Variants in DGKB observed in about 807,000 individuals in gnomAD.
DGKB encodes the protein 90 kDa diacylglycerol kinase.
Under a neutral mutation model 114.3 loss-of-function variants are expected in DGKB, and 67 were observed. That is an observed-to-expected ratio of 0.59 (90% CI 0.48 to 0.72). The LOEUF (loss-of-function observed/expected upper bound fraction) is 0.72, where lower values mean the gene tolerates loss of function less well. DGKB is among the 30% of genes least tolerant of loss of function. DGKB has a pLI of 0.00. For synonymous variants in DGKB, 398 were observed against 323.1 expected (o/e 1.23, Z -2.49); for missense variants, 907 against 975.2 (o/e 0.93, Z 0.93).
intron 1 of DGKB, among the ~76,000 whole-genome samples, chr7:14,898,570 A>G (rs920784533): frequency 6.6e-6 from 1 of 152,126 alleles, no homozygotes; most frequent in Non-Finnish European, 1.5e-5. Flanking sequence ...AGTTACTATC[A>G]TTATTTTTAA....
intron 23 of DGKB, among the ~76,000 whole-genome samples, chr7:14,210,928 C>T (rs184728579): frequency 8.5e-4 from 129 of 152,110 alleles, no homozygotes; most frequent in African/African-American, 2.9e-3. Context: ...TGCATGCACT[C>T]CCCCTCTCCA....
At chr7:14,240,028 G>A (rs996904280) in intron 23 of DGKB, among the ~76,000 whole-genome samples, 4 of 151,972 alleles carry the variant, frequency 2.6e-5, no homozygotes, top group East Asian at 1.9e-4. Context: ...CTGCGTATAC[G>A]TTTTGTTTAG....
chr7:14,372,329 G>C (rs564815421), intron 21 of DGKB, among the ~76,000 whole-genome samples: 3 of 152,230 alleles, frequency 2.0e-5, no homozygotes, highest in South Asian at 2.1e-4. Flanking sequence ...AGCTCACATA[G>C]TTGATCTTTA....
chr7:14,915,354 G>C (rs1039456549), intron 1 of DGKB, among the ~76,000 whole-genome samples: 1 of 152,122 alleles, frequency 6.6e-6, no homozygotes, highest in African/African-American at 2.4e-5. Flanking sequence ...CTCCAGCCTG[G>C]CCTGAATCAC....
chr7:14,858,315 A>G (rs1201844662), intron 1 of DGKB, among the ~76,000 whole-genome samples: 2 of 152,236 alleles, frequency 1.3e-5, no homozygotes, highest in African/African-American at 4.8e-5. Flanking sequence ...AATGACTACA[A>G]TTTAACTGTA....
In DGKB at chr7:14,178,077, T is replaced by C. The variant is rs774844788; in HGVS notation, c.2197A>G (p.Lys733Glu). ...MEMGQIYTGL[K>E]SAGRRLAQCS... ...TGAGCCAGCCGCCGGCCAGCACTTT[T>C]CAGGCCTGTGTATATTTGCCCCATC... The change falls in exon 24 of 26, where the codon AAA becomes GAA. Residue 733 changes from lysine (K) to glutamate (E), a missense_variant. Lys to Glu is a moderately conservative substitution (Grantham distance 56). Around this residue, in one of 3 missense-constraint regions of DGKB, gnomAD observed 35 missense variants for 66.0 expected, o/e 0.53. Transcript: ENST00000402815. 1 of 1,610,078 alleles carries C rather than the reference T, an allele frequency of 6.2e-7. No individual in the cohort carries two copies. Among genetic ancestry groups the C allele is most frequent in the Admixed American group, 1.7e-5 (1 of 58,866 alleles).
chr7:14,326,071 T>TC (rs1370188165), intron 23 of DGKB, among the ~76,000 whole-genome samples: 17 of 151,510 alleles, frequency 1.1e-4, no homozygotes, highest in African/African-American at 4.1e-4. Context: ...AGATTTCTTT[T>TC]TTTTTTTTTT....
chr7:14,595,277 G>A (rs561433424), intron 17 of DGKB, among the ~76,000 whole-genome samples: 3 of 152,136 alleles, frequency 2.0e-5, no homozygotes, highest in East Asian at 3.9e-4. Context: ...TACTGTCAGT[G>A]GGAATGAGAA....
Position 14,574,311 on chromosome 7 carries a change from C to G in DGKB, c.1671G>C (p.Met557Ile). ...TGACTTCAAACTTCCACCTGTCCAA[C>G]ATGATTTCTGTGCTGTTTTCAATGT... ...LKDIENSTEI[M>I]LDRWKFEVIP... Residue 557 changes from methionine to isoleucine, a missense_variant, in exon 20 of 26, where the codon ATG becomes ATC. Physicochemically the swap from Met to Ile is conservative, Grantham distance 10. Transcript: ENST00000402815. 1 of 1,613,426 alleles carries G rather than the reference C, an allele frequency of 6.2e-7. No individual in the cohort carries two copies. Among genetic ancestry groups the G allele is most frequent in the Non-Finnish European group, 8.5e-7 (1 of 1,179,642 alleles).
At chr7:14,282,684 C>T (rs1212661362) in intron 23 of DGKB, among the ~76,000 whole-genome samples, 3 of 150,754 alleles carry the variant, frequency 2.0e-5, no homozygotes, top group African/African-American at 7.3e-5. Context: ...GGGCTTCATC[C>T]CTGGGATGCA....
chr7:14,859,367 C>G (rs1194618605), intron 1 of DGKB, among the ~76,000 whole-genome samples: 1 of 152,046 alleles, frequency 6.6e-6, no homozygotes, highest in African/African-American at 2.4e-5. Flanking sequence ...TATGTGAAAG[C>G]CACAAAATGT....
rs576681015 is a variant in DGKB, at chr7:14,953,370, T to C, written c.-188+21326A>G. Among the ~76,000 whole-genome samples the C allele has an allele frequency of 7.9e-5, 12 of 152,204 alleles. No homozygotes were observed. The East Asian group carries it at 1.9e-3, about 25-fold the overall frequency. The stretch of plus-strand genomic sequence containing the variant: ...TTACAACTCAATAATAAAAGACTGA[T>C]CATTTTTAAATGGGAGAAAGCTCTT... On this transcript the variant is annotated intron_variant, in intron 1 of 4. Coordinates refer to the DGKB transcript ENST00000437998.
intron 4 of DGKB, among the ~76,000 whole-genome samples, chr7:14,745,310 G>C: frequency 6.6e-6 from 1 of 152,202 alleles, no homozygotes; most frequent in East Asian, 1.9e-4. Context: ...TTTCGAGAGA[G>C]TTATGACTGC....
At chr7:14,813,830 AT>A (rs1843739728) in intron 2 of DGKB, among the ~76,000 whole-genome samples, 1 of 152,004 alleles carries the variant, frequency 6.6e-6, no homozygotes, top group Non-Finnish European at 1.5e-5. Context: ...TTATTTACAC[AT>A]TTTCATTGGT....
At chr7:14,574,507 A>G (rs1455497009) in intron 19 of DGKB, 135 bp from the exon 20 acceptor site, 14 of 695,712 alleles carry the variant, frequency 2.0e-5, no homozygotes, top group Non-Finnish European at 2.8e-5. Flanking sequence ...TCTGCCACCA[A>G]ATGAAGAATT....
chr7:14,386,527 C>T (rs559276239), intron 21 of DGKB, among the ~76,000 whole-genome samples: 7 of 152,258 alleles, frequency 4.6e-5, no homozygotes, highest in African/African-American at 1.4e-4. Context: ...GTAATTTTTG[C>T]CACAGGAATG....
intron 1 of DGKB, among the ~76,000 whole-genome samples, chr7:14,896,022 C>A (rs1169350099): frequency 1.3e-5 from 2 of 151,682 alleles, no homozygotes; most frequent in African/African-American, 4.8e-5. Flanking sequence ...TCTTGTCATG[C>A]TTTTCTATAG....
intron 1 of DGKB, among the ~76,000 whole-genome samples, chr7:14,884,043 G>A (rs1854642946): frequency 6.6e-6 from 1 of 151,874 alleles, no homozygotes; most frequent in Non-Finnish European, 1.5e-5. Flanking sequence ...GTCCTTCTAG[G>A]CCTGTGGTCA....
At chr7:14,355,130 G>T (rs909680477) in intron 21 of DGKB, among the ~76,000 whole-genome samples, 3 of 151,698 alleles carry the variant, frequency 2.0e-5, no homozygotes, top group Non-Finnish European at 2.9e-5. Flanking sequence ...GACTTTCTTG[G>T]CTCTCTCCCT....
Sources: allele counts gnomAD v4.1 joint callset (sites outside exome capture counted in the v4.1 genomes callset), GRCh38; gene constraint gnomAD v4.1.1; regional missense constraint gnomAD v4.1.1; transcripts MANE v1.5; gene names NCBI Gene and HGNC (gene_info 2026-07-23, HGNC 2026-07-21).